Variants in NUDCD1 observed in about 807,000 individuals in gnomAD.
The protein encoded by NUDCD1 is nudC domain-containing protein 1.
In NUDCD1, 60 loss-of-function variants were observed where a neutral mutation model predicts 67.8. The ratio of observed to expected loss-of-function variants is 0.88; its 90% CI spans 0.72 to 1.10. The LOEUF (loss-of-function observed/expected upper bound fraction) is 1.10. Among genes scored for constraint, NUDCD1 ranks in the 50% least tolerant of loss-of-function variants. The pLI is 0.00. For synonymous variants in NUDCD1, 244 were observed against 230.8 expected (o/e 1.06, Z -0.52); for missense variants, 643 against 695.0 (o/e 0.93, Z 0.84).
chr8:109,291,194 T>C (rs947875026), intron 4 of NUDCD1, among the ~76,000 whole-genome samples: 2 of 152,222 alleles, frequency 1.3e-5, no homozygotes, highest in South Asian at 2.1e-4. Context: ...TCTTACCCTG[T>C]TGCCCAAGCT....
intron 7 of NUDCD1, 34 bp from the exon 8 acceptor site, chr8:109,271,164 A>C (rs779548448): frequency 7.1e-7 from 1 of 1,401,644 alleles, no homozygotes; most frequent in Non-Finnish European, 9.8e-7. Flanking sequence ...TAAATAAGTA[A>C]AACAAATAAA....
At chr8:109,331,118 G>A (rs1422082629) in intron 1 of NUDCD1, among the ~76,000 whole-genome samples, 1 of 152,088 alleles carries the variant, frequency 6.6e-6, no homozygotes, top group Non-Finnish European at 1.5e-5. Flanking sequence ...CGAGGCAGGT[G>A]GATCGCGAGG....
chr8:109,332,050 C>T (rs1815818363), intron 1 of NUDCD1, among the ~76,000 whole-genome samples: 1 of 152,174 alleles, frequency 6.6e-6, no homozygotes, highest in Non-Finnish European at 1.5e-5. Flanking sequence ...TTCTCTTCTT[C>T]ATATACTCAT....
At chr8:109,286,297 A>C (rs962349749) in intron 5 of NUDCD1, among the ~76,000 whole-genome samples, 2 of 152,178 alleles carry the variant, frequency 1.3e-5, no homozygotes, top group Non-Finnish European at 2.9e-5. Flanking sequence ...AGAACTAGAA[A>C]ACACTATTCT....
chr8:109,250,522 A>G (rs1813598134), intron 8 of NUDCD1, among the ~76,000 whole-genome samples: 1 of 152,254 alleles, frequency 6.6e-6, no homozygotes, highest in Non-Finnish European at 1.5e-5. Context: ...TCCCAGCATT[A>G]TGCTTAACAG....
At chr8:109,327,643 T>G (rs1432270862) in intron 1 of NUDCD1, among the ~76,000 whole-genome samples, 1 of 152,246 alleles carries the variant, frequency 6.6e-6, no homozygotes, top group African/African-American at 2.4e-5. Context: ...TTACTATCAA[T>G]GCATGGCACA....
chr8:109,316,091 A>T (rs1815387655), intron 2 of NUDCD1: 1 of 152,222 alleles, frequency 6.6e-6, no homozygotes, highest in Admixed American at 6.5e-5. Context: ...AAAACAAATT[A>T]TTACAGAAAT....
intron 7 of NUDCD1, among the ~76,000 whole-genome samples, chr8:109,271,523 A>G (rs1814157162): frequency 6.6e-6 from 1 of 152,188 alleles, no homozygotes; most frequent in Non-Finnish European, 1.5e-5. Flanking sequence ...TAGTGACTAC[A>G]AAATGAAGCA....
At chr8:109,249,847 CTTT>C (rs35856577) in intron 8 of NUDCD1, among the ~76,000 whole-genome samples, 5 of 133,894 alleles carry the variant, frequency 3.7e-5, no homozygotes, top group Admixed American at 1.5e-4. Flanking sequence ...TTGTTGAATT[CTTT>C]TTTTTTTTTT....
In NUDCD1 at chr8:109,322,419, G is replaced by T; in HGVS notation, c.163C>A (p.His55Asn). The change falls in exon 2 of 10, where the codon CAC becomes AAC. Residue 55 changes from histidine (H) to asparagine (N), a missense_variant. Transcript: ENST00000239690. ...TTATACATTCCAAAAGCATGCATGT[G>T]TTCCAGTGTATATTGATCATCTCGA... The part of the protein sequence containing the change: ...KLRDDQYTLE[H>N]MHAFGMYNYL... The T allele has an allele frequency of 6.2e-7, 1 of 1,606,466 alleles. No individual in the cohort carries two copies. The highest frequency in any genetic ancestry group is 1.1e-5 in the South Asian group (1 of 90,428).
chr8:109,323,676 C>G (rs1052180119), intron 1 of NUDCD1, among the ~76,000 whole-genome samples: 1 of 151,984 alleles, frequency 6.6e-6, no homozygotes, highest in African/African-American at 2.4e-5. Context: ...AGTATTTTAA[C>G]AAGAAGGTGA....
intron 8 of NUDCD1, among the ~76,000 whole-genome samples, chr8:109,249,278 T>G (rs1231806448): frequency 1.3e-5 from 2 of 152,220 alleles, no homozygotes; most frequent in Non-Finnish European, 2.9e-5. Context: ...CTTCCAGCAT[T>G]CTTAAAACAT....
At chr8:109,293,602 T>C in intron 3 of NUDCD1, 78 bp from the exon 4 acceptor site, 30 of 623,944 alleles carry the variant, frequency 4.8e-5, no homozygotes, top group Non-Finnish European at 7.0e-5. Flanking sequence ...ATATATAGGA[T>C]TCTGGTGATT....
chr8:109,252,907 T>A (rs996229135), intron 8 of NUDCD1, among the ~76,000 whole-genome samples: 1 of 152,186 alleles, frequency 6.6e-6, no homozygotes, highest in Admixed American at 6.5e-5. Flanking sequence ...AAAGCAGGAA[T>A]TTCCTTGATC....
chr8:109,303,611 T>C (rs1439389207), intron 2 of NUDCD1, among the ~76,000 whole-genome samples: 1 of 151,542 alleles, frequency 6.6e-6, no homozygotes, highest in Non-Finnish European at 1.5e-5. Context: ...TGACTATTCC[T>C]AGGCTACAGC....
chr8:109,269,258 G>A (rs920133042), intron 8 of NUDCD1, among the ~76,000 whole-genome samples: 1 of 152,188 alleles, frequency 6.6e-6, no homozygotes, highest in Non-Finnish European at 1.5e-5. Context: ...GCATTGAAGA[G>A]ATAGAAATTA....
chr8:109,306,420 A>G (rs191553461), intron 2 of NUDCD1, among the ~76,000 whole-genome samples: 27 of 152,240 alleles, frequency 1.8e-4, no homozygotes, highest in African/African-American at 3.4e-4. Context: ...TCCTTCTTTA[A>G]GAAACAATTG....
chr8:109,318,416 A>G (rs1019029275), intron 2 of NUDCD1, among the ~76,000 whole-genome samples: 1 of 152,242 alleles, frequency 6.6e-6, no homozygotes, highest in African/African-American at 2.4e-5. Context: ...TTTCATGCAC[A>G]TACACACAGA....
chr8:109,283,343 A>C (rs1169652831), intron 5 of NUDCD1, among the ~76,000 whole-genome samples: 1 of 151,394 alleles, frequency 6.6e-6, no homozygotes, highest in African/African-American at 2.4e-5. Flanking sequence ...CCAGAGAAGA[A>C]ACACTAAACA....
Sources: allele counts gnomAD v4.1 joint callset (sites outside exome capture counted in the v4.1 genomes callset), GRCh38; gene constraint gnomAD v4.1.1; transcripts MANE v1.5; gene names NCBI Gene and HGNC (gene_info 2026-07-23, HGNC 2026-07-21).